The following RCC1 variants were observed in gnomAD, a reference collection of about 807,000 sequenced individuals.
RCC1 encodes the protein regulator of chromosome condensation.
In RCC1, 11 loss-of-function variants were observed where a neutral mutation model predicts 44.4. That is an observed-to-expected ratio of 0.25 (90% CI 0.16 to 0.41). The LOEUF (loss-of-function observed/expected upper bound fraction) is 0.41, where lower values mean the gene tolerates loss of function less well. Among genes scored for constraint, RCC1 ranks in the 10% least tolerant of loss-of-function variants. The pLI is 1.00. For missense variants in RCC1, 386 were observed against 547.1 expected, an observed-to-expected ratio of 0.71 and a Z score of 2.94; for synonymous variants, 213 against 216.5, an observed-to-expected ratio of 0.98 and a Z score of 0.14.
rs757487170 is a variant in RCC1, at chr1:28,529,873, C to A, written c.7C>A (p.Pro3Thr). 6 of 1,613,818 alleles carry A rather than the reference C, an allele frequency of 3.7e-6. No individual in the cohort carries two copies. Among genetic ancestry groups the A allele is most frequent in the Non-Finnish European group, 5.1e-6 (6 of 1,179,934 alleles). Reference sequence around the variant, plus strand: ...TGACTTTCAGGACAGGAAGATGTCACCCAAGCGCATAGCTAAAAGAAGGTC... The same window carrying A: ...TGACTTTCAGGACAGGAAGATGTCAACCAAGCGCATAGCTAAAAGAAGGTC... MS[P>T]KRIAKRRSPP... The change falls in exon 5 of 13, where the codon CCC becomes ACC. Residue 3 changes from proline to threonine, a missense_variant. By Grantham distance (38) the Pro-to-Thr change is conservative. Transcript: ENST00000683442.
At chr1:28,534,282 G>A (rs181434505) in intron 7 of RCC1, among the ~76,000 whole-genome samples, 2 of 152,170 alleles carry the variant, frequency 1.3e-5, no homozygotes, top group African/African-American at 2.4e-5. Context: ...CCTGATTCAC[G>A]CCATTCTCCT....
At chr1:28,530,425 C>A in intron 5 of RCC1, 3 of 1,133,986 alleles carry the variant, frequency 2.6e-6, no homozygotes, top group Non-Finnish European at 3.8e-6. Flanking sequence ...TTTCCTCTGT[C>A]CTGGGACCCC....
At chr1:28,506,988 C>T (rs1219850189) in intron 1 of RCC1, 3 of 162,966 alleles carry the variant, frequency 1.8e-5, no homozygotes, top group African/African-American at 4.8e-5. Context: ...CATTGCGTTT[C>T]GTAATTATGC....
intron 3 of RCC1, chr1:28,509,585 C>T (rs1662341807): frequency 6.6e-6 from 1 of 152,184 alleles, no homozygotes; most frequent in Non-Finnish European, 1.5e-5. Context: ...TAACAAATTG[C>T]CTAATCTGCT....
In RCC1 at chr1:28,511,839, T is replaced by C. The variant is rs1480206064; in HGVS notation, c.-153+2934T>C. On this transcript the variant is annotated intron_variant, in intron 3 of 12. Coordinates refer to ENST00000683442, the MANE Select transcript of RCC1 (RefSeq NM_001381865.2). Reference sequence around the variant, plus strand: ...CCATGCCCGGCTAATTTTTTTTGCATTTTTTAGTAGAGACGGGTTTCACCA... The same window carrying C: ...CCATGCCCGGCTAATTTTTTTTGCACTTTTTAGTAGAGACGGGTTTCACCA... Among the ~76,000 whole-genome samples the C allele has an allele frequency of 2.0e-5, 3 of 151,662 alleles. No homozygotes were observed. The East Asian group carries it at 5.8e-4, about 29-fold the overall frequency.
At chr1:28,509,306 G>A (rs765055466) in intron 3 of RCC1, 13 of 178,112 alleles carry the variant, frequency 7.3e-5, no homozygotes, top group Non-Finnish European at 1.4e-4. Context: ...TGCTTTTCAT[G>A]ATCTTGCTCA....
chr1:28,531,319 G>A (rs1473472383), intron 5 of RCC1, among the ~76,000 whole-genome samples: 3 of 143,988 alleles, frequency 2.1e-5, no homozygotes, highest in East Asian at 2.0e-4. Context: ...GACTGGAGGC[G>A]GCAGTGGCAC....
chr1:28,516,890 G>T (rs1163863072), intron 4 of RCC1, 23 bp downstream of exon 4: 1 of 456,480 alleles, frequency 2.2e-6, no homozygotes, highest in Non-Finnish European at 4.4e-6. Flanking sequence ...GAAGACAGGG[G>T]AGTGCTTTGT....
In RCC1 at chr1:28,535,853, C is replaced by A; in HGVS notation, c.662-18C>A. On this transcript the variant is annotated intron_variant, in intron 9 of 12. Coordinates refer to ENST00000683442, the MANE Select transcript of RCC1 (RefSeq NM_001381865.2). ...TGTGTCTGTCTGTCACTGACCGTGG[C>A]TTTCCCTTTGCCTGCAGAACGACTC... is the stretch of plus-strand genomic sequence containing the variant. 1 of 1,606,722 alleles carries A rather than the reference C, an allele frequency of 6.2e-7. No homozygotes were observed. Among genetic ancestry groups the A allele is most frequent in the Non-Finnish European group, 8.5e-7 (1 of 1,175,976 alleles).
intron 4 of RCC1, among the ~76,000 whole-genome samples, chr1:28,517,233 G>C (rs1238936149): frequency 6.6e-6 from 1 of 152,096 alleles, no homozygotes; most frequent in Non-Finnish European, 1.5e-5. Flanking sequence ...TCGAGAAAAC[G>C]TCCTTTGCAA....
At chr1:28,509,252 AG>A (rs1387232824) in intron 3 of RCC1, 2 of 243,262 alleles carry the variant, frequency 8.2e-6, no homozygotes, top group African/African-American at 4.6e-5. Context: ...CTTGGCCAGA[AG>A]GCACACTGTG....
intron 7 of RCC1, 46 bp from the exon 8 acceptor site, chr1:28,535,004 G>C: frequency 6.6e-7 from 1 of 1,506,554 alleles, no homozygotes; most frequent in Non-Finnish European, 9.2e-7. Context: ...TCACTGGCAC[G>C]GGGCAGGCAG....
At chr1:28,522,673 A>G (rs1328786588) in intron 4 of RCC1, among the ~76,000 whole-genome samples, 4 of 151,732 alleles carry the variant, frequency 2.6e-5, no homozygotes, top group African/African-American at 7.3e-5. Flanking sequence ...AAATTAGCCA[A>G]GCGTGGTGGT....
At chr1:28,528,776 C>T (rs1303714085) in intron 4 of RCC1, among the ~76,000 whole-genome samples, 1 of 143,506 alleles carries the variant, frequency 7.0e-6, no homozygotes, top group Admixed American at 7.0e-5. Flanking sequence ...ACATTTTTCT[C>T]ACATATTTTT....
rs1302244046 is a variant in RCC1 at position 28,536,015 on chromosome 1, A to G, written c.806A>G (p.Tyr269Cys). The G allele has an allele frequency of 6.2e-7, 1 of 1,608,484 alleles. No homozygotes were observed. Among genetic ancestry groups the G allele is most frequent in the Non-Finnish European group, 8.5e-7 (1 of 1,176,834 alleles). Residue 269 changes from tyrosine to cysteine, a missense_variant, in exon 10 of 13, where the codon TAC becomes TGC. Physicochemically the swap from Tyr to Cys is radical, Grantham distance 194 (BLOSUM62 -2). Transcript: ENST00000683442. The surrounding 1 kb of genome is among the most constrained non-coding windows in gnomAD (Gnocchi z 4.9). ...GHVYGFGLSN[Y>C]HQLGTPGTES... ...GTGTACGGCTTCGGCCTCTCCAACT[A>G]CCATCAGCTTGGTGAGCCCCGAGCC...
rs766925213 is a variant in RCC1 at position 28,508,916 on chromosome 1, T to C, written c.-153+11T>C. ...TAGAAGGGAGAGTAGGTAAACTGATTTTTTTTTTTAACAGGGAGGGTTTGA... is the reference window on the plus strand; with the variant it reads ...TAGAAGGGAGAGTAGGTAAACTGATCTTTTTTTTTAACAGGGAGGGTTTGA... On this transcript the variant is annotated intron_variant, in intron 3 of 12. Transcript: ENST00000683442. 8.4e-6 allele frequency: 4 copies of C among 474,328 alleles called. No individual in the cohort carries two copies. Among genetic ancestry groups the C allele is most frequent in the South Asian group, 5.8e-5 (4 of 68,856 alleles). The allele number at this position is 474,328 out of a possible 1,614,324, so 29.4% of individuals were successfully genotyped here.
At chr1:28,525,578 G>C (rs1308979904) in intron 4 of RCC1, among the ~76,000 whole-genome samples, 2 of 152,128 alleles carry the variant, frequency 1.3e-5, no homozygotes, top group African/African-American at 4.8e-5. Context: ...TTTTTAGTGT[G>C]GGACAAGGGG....
chr1:28,531,707 G>A, intron 5 of RCC1, 96 bp from the exon 6 acceptor site: 1 of 1,005,194 alleles, frequency 9.9e-7, no homozygotes, highest in Non-Finnish European at 1.4e-6. Flanking sequence ...TGGCAGAGCA[G>A]GGGCTTCTGC....
At chr1:28,532,602 G>A (rs1664248238) in intron 7 of RCC1, 1 of 530,204 alleles carries the variant, frequency 1.9e-6, no homozygotes, top group Non-Finnish European at 3.5e-6. Flanking sequence ...ATGTCCCTGG[G>A]TTGAGGCTGA....
Sources: gnomAD v4.1 joint callset for allele counts (sites outside exome capture counted in the v4.1 genomes callset) on GRCh38, gnomAD v4.1.1 for gene constraint, Gnocchi (gnomAD v3.1) non-coding constraint, MANE v1.5 for transcripts, NCBI Gene and HGNC (gene_info 2026-07-23, HGNC 2026-07-21) for gene names.